PAX3: variants seen among roughly 807,000 people sequenced by gnomAD.
PAX3 encodes the protein paired box 3.
In PAX3, 14 loss-of-function variants were observed where a neutral mutation model predicts 51.6. The ratio of observed to expected loss-of-function variants is 0.27; its 90% CI spans 0.18 to 0.42. The LOEUF is 0.42. Among genes scored for constraint, PAX3 ranks in the 10% least tolerant of loss-of-function variants. PAX3 has a pLI of 1.00. For synonymous variants in PAX3, 280 were observed against 253.4 expected (o/e 1.11, Z -1.00); for missense variants, 540 against 642.8 (o/e 0.84, Z 1.73).
rs1411315826 is a variant in PAX3, at chr2:222,201,022, G to C, written c.*386C>G. 2.5e-6 allele frequency: 2 copies of C among 797,306 alleles called. No homozygotes were observed. Among genetic ancestry groups the C allele is most frequent in the Non-Finnish European group, 4.1e-6 (2 of 485,328 alleles). 49.4% of individuals were successfully genotyped at this position (797,306 alleles called of 1,614,324 possible). ...CAGTCTGCTTGCCCAAACCAGTCTG[G>C]GTAAATCTCAATACACACACACACA... On this transcript the variant is annotated 3_prime_UTR_variant, in exon 9 of 9. Transcript: ENST00000392070.
Position 222,262,265 on chromosome 2 carries a change from C to T in PAX3, c.587-29982G>A, listed in dbSNP as rs549867304. Among the ~76,000 whole-genome samples, 418 of 152,250 alleles carry T rather than the reference C, an allele frequency of 2.7e-3. 4 individuals carry two copies. The highest frequency in any genetic ancestry group is 9.2e-3 in the African/African-American group (383 of 41,548). On this transcript the variant is annotated intron_variant, in intron 4 of 8. Transcript: ENST00000392070. Reference sequence around the variant, plus strand: ...TTTTATCAGTTCTTATGTTGGTGGACTTAGGGATTATTCCCTATTTGGACT... The same window carrying T: ...TTTTATCAGTTCTTATGTTGGTGGATTTAGGGATTATTCCCTATTTGGACT...
chr2:222,295,678 A>G, intron 2 of PAX3, 21 bp from the exon 3 acceptor site: 1 of 1,613,804 alleles, frequency 6.2e-7, no homozygotes, highest in South Asian at 1.1e-5. Flanking sequence ...ACAGGCGGGC[A>G]GGCGTTGGTA....
At chr2:222,210,923 A>G (rs1357345476) in intron 7 of PAX3, among the ~76,000 whole-genome samples, 2 of 152,080 alleles carry the variant, frequency 1.3e-5, no homozygotes, top group East Asian at 1.9e-4. Flanking sequence ...GCTGAGTGCA[A>G]TGGTGCAATC....
chr2:222,211,208 T>A (rs1367178371), intron 7 of PAX3, among the ~76,000 whole-genome samples: 1 of 152,156 alleles, frequency 6.6e-6, no homozygotes, highest in Non-Finnish European at 1.5e-5. Flanking sequence ...CCTGTTGCAA[T>A]AGCATTAGTA....
At chr2:222,258,791 G>T (rs191758401) in intron 4 of PAX3, among the ~76,000 whole-genome samples, 155 of 152,278 alleles carry the variant, frequency 1.0e-3, no homozygotes, top group Non-Finnish European at 1.9e-3. Context: ...GAGTTTTATG[G>T]AGTATGGATT....
intron 4 of PAX3, among the ~76,000 whole-genome samples, chr2:222,240,127 C>T (rs1432699476): frequency 2.6e-5 from 4 of 152,180 alleles, no homozygotes; most frequent in African/African-American, 7.2e-5. Context: ...TCCCCGAGTG[C>T]CTGCTGCCCT....
intron 7 of PAX3, among the ~76,000 whole-genome samples, chr2:222,217,110 AC>A (rs1413072082): frequency 6.6e-6 from 1 of 152,218 alleles, no homozygotes; most frequent in Non-Finnish European, 1.5e-5. Flanking sequence ...AGGCATAAGA[AC>A]CTAAAAAGCT....
intron 4 of PAX3, among the ~76,000 whole-genome samples, chr2:222,240,180 G>A (rs1311246525): frequency 6.6e-6 from 1 of 152,160 alleles, no homozygotes; most frequent in East Asian, 1.9e-4. Context: ...CCGGCCACGG[G>A]GGCAGTACAG....
intron 7 of PAX3, among the ~76,000 whole-genome samples, chr2:222,219,674 T>C (rs1692107228): frequency 6.6e-6 from 1 of 152,222 alleles, no homozygotes; most frequent in Non-Finnish European, 1.5e-5. Flanking sequence ...GTTTGCTTCC[T>C]CTCTGATTGT....
intron 4 of PAX3, among the ~76,000 whole-genome samples, chr2:222,253,248 G>A (rs1035707416): frequency 2.0e-5 from 3 of 152,188 alleles, no homozygotes; most frequent in African/African-American, 7.2e-5. Flanking sequence ...ACACTCCACA[G>A]GTAGCTCTGA....
chr2:222,204,254 C>T (rs1030221736), intron 7 of PAX3, among the ~76,000 whole-genome samples: 7 of 152,062 alleles, frequency 4.6e-5, no homozygotes, highest in African/African-American at 1.7e-4. Flanking sequence ...TCTTTTAGGG[C>T]CCTACCCAGC....
At chr2:222,249,649 C>A (rs1446300949) in intron 4 of PAX3, among the ~76,000 whole-genome samples, 1 of 152,140 alleles carries the variant, frequency 6.6e-6, no homozygotes, top group Non-Finnish European at 1.5e-5. Context: ...ATCACATGAC[C>A]ACGTGACACA....
At chr2:222,256,754 T>G (rs1303506450) in intron 4 of PAX3, among the ~76,000 whole-genome samples, 1 of 152,264 alleles carries the variant, frequency 6.6e-6, no homozygotes, top group Non-Finnish European at 1.5e-5. Context: ...TGACACAATT[T>G]GTTTTAGAGA....
rs373626774 is a variant in PAX3, at chr2:222,201,034, TACAC to T, written c.*370_*373del. ...CCAAACCAGTCTGGGTAAATCTCAA[TACAC>T]ACACACACACACACACGCACGCACG... On this transcript the variant is annotated 3_prime_UTR_variant, in exon 9 of 9. Transcript: ENST00000392070. 790 of 797,472 alleles carry T rather than the reference TACAC, an allele frequency of 9.9e-4. 5 individuals are homozygous for T. The highest frequency in any genetic ancestry group is 4.1e-3 in the South Asian group (230 of 55,920). 49.4% of individuals were successfully genotyped at this position (797,472 alleles called of 1,614,324 possible). A position where few individuals can be genotyped will look rare whatever the true frequency, so the allele number is the denominator to read the frequency against.
chr2:222,278,185 T>G (rs1445171722), intron 4 of PAX3, among the ~76,000 whole-genome samples: 1 of 152,134 alleles, frequency 6.6e-6, no homozygotes, highest in Non-Finnish European at 1.5e-5. Context: ...TTGGCTTACA[T>G]GCTCCAAAGT....
intron 4 of PAX3, chr2:222,293,733 G>C (rs28945095): frequency 8.7e-6 from 14 of 1,614,140 alleles, no homozygotes; most frequent in Non-Finnish European, 1.1e-5. Flanking sequence ...TTAATGCGAG[G>C]AAACTCCGGA....
chr2:222,276,773 C>T (rs1694436667), intron 4 of PAX3, among the ~76,000 whole-genome samples: 1 of 152,198 alleles, frequency 6.6e-6, no homozygotes, highest in South Asian at 2.1e-4. Context: ...GGGTTTTGCC[C>T]ACCTGCCCTT....
At chr2:222,255,520 G>T (rs1199789598) in intron 4 of PAX3, among the ~76,000 whole-genome samples, 1 of 152,202 alleles carries the variant, frequency 6.6e-6, no homozygotes, top group Admixed American at 6.5e-5. Context: ...GGGCCTCAAA[G>T]ATTAATTGTA....
At chr2:222,253,671 C>T (rs6436306) in intron 4 of PAX3, among the ~76,000 whole-genome samples, 67,216 of 151,054 alleles carry the variant, frequency 0.44, 15,090 homozygotes, top group Middle Eastern at 0.6. Context: ...CTTTTAGAGA[C>T]AGAAGAAAAG....
Sources: allele counts gnomAD v4.1 joint callset (sites outside exome capture counted in the v4.1 genomes callset), GRCh38; gene constraint gnomAD v4.1.1; transcripts MANE v1.5; gene names NCBI Gene and HGNC (gene_info 2026-07-23, HGNC 2026-07-21).